The following HNF4A variants were observed in gnomAD, a reference collection of about 807,000 sequenced individuals.
The protein encoded by HNF4A is hepatocyte nuclear factor 4 alpha.
HNF4A carries 15 observed loss-of-function variants against 52.4 expected under a neutral mutation model. That is an observed-to-expected ratio of 0.29 (90% CI 0.19 to 0.44). HNF4A has a LOEUF of 0.44. Ranked by LOEUF, HNF4A falls within the 20% of genes least tolerant of loss-of-function variation. HNF4A has a pLI of 1.00. For synonymous variants in HNF4A, 280 were observed against 264.4 expected (o/e 1.06, Z -0.57); for missense variants, 479 against 647.2 (o/e 0.74, Z 2.82).
At chr20:44,392,004 C>T (rs959375333) in intron 1 of HNF4A, 1 of 152,174 alleles carries the variant, frequency 6.6e-6, no homozygotes, top group Admixed American at 6.5e-5. Context: ...AATAATAACA[C>T]ATACCTCAAT....
chr20:44,369,166 T>C (rs1402765207), intron 1 of HNF4A, among the ~76,000 whole-genome samples: 1 of 145,272 alleles, frequency 6.9e-6, no homozygotes, highest in Non-Finnish European at 1.5e-5. Context: ...GGAGAATCTC[T>C]TGAATGTGGG....
intron 1 of HNF4A, among the ~76,000 whole-genome samples, chr20:44,377,077 C>T (rs2063093399): frequency 6.6e-6 from 1 of 152,056 alleles, no homozygotes; most frequent in Admixed American, 6.5e-5. Flanking sequence ...AGATAAAATG[C>T]TGTGTATCCA....
chr20:44,356,273 G>A (rs192146523), intron 1 of HNF4A, among the ~76,000 whole-genome samples: 1 of 152,188 alleles, frequency 6.6e-6, no homozygotes, highest in African/African-American at 2.4e-5. Context: ...GCGTGGGACC[G>A]GGCAGCTCGG....
intron 5 of HNF4A, 67 bp downstream of exon 5, chr20:44,414,729 C>G (rs1568731984): frequency 4.8e-6 from 7 of 1,471,686 alleles, no homozygotes. Context: ...GCTGCTGGCC[C>G]ACCTGGGATA....
intron 1 of HNF4A, among the ~76,000 whole-genome samples, chr20:44,381,943 C>T (rs574265603): frequency 6.6e-6 from 1 of 152,234 alleles, no homozygotes; most frequent in Non-Finnish European, 1.5e-5. Context: ...AATAACGCAA[C>T]TATATGCTGG....
chr20:44,402,468 C>A, intron 1 of HNF4A: 1 of 894,154 alleles, frequency 1.1e-6, no homozygotes, highest in Non-Finnish European at 1.6e-6. Flanking sequence ...GTGTGCACGA[C>A]TGCACAGACC....
chr20:44,360,231 A>G (rs759855015), intron 1 of HNF4A, among the ~76,000 whole-genome samples: 20 of 152,270 alleles, frequency 1.3e-4, no homozygotes, highest in Non-Finnish European at 2.2e-4. Flanking sequence ...GGATAGGTGA[A>G]TGGACTGATG....
At chr20:44,380,500 C>T (rs6031572) in intron 1 of HNF4A, among the ~76,000 whole-genome samples, 31,271 of 151,782 alleles carry the variant, frequency 0.21, 3,358 homozygotes, top group African/African-American at 0.23. Flanking sequence ...CACTATGTTG[C>T]CCAGGCTGGT....
chr20:44,407,570 C>G (rs1351724798), intron 3 of HNF4A, 95 bp downstream of exon 3: 1 of 864,442 alleles, frequency 1.2e-6, no homozygotes, highest in Non-Finnish European at 1.9e-6. Flanking sequence ...CTTTATGACT[C>G]AGTGGCAGGC....
At position 44,415,037 on chromosome 20, in the gene HNF4A, G is replaced by T. The variant is rs76457013; in HGVS notation, c.648+375G>T. 8.3e-3 allele frequency among the ~76,000 whole-genome samples: 1,267 copies of T among 152,278 alleles called. 19 individuals are homozygous for T. The highest frequency in any genetic ancestry group is 0.028 in the African/African-American group (1,181 of 41,562). ...CATTGTACCTGAGGCTCTCCCAGGGGGATGTTGACAGGGACCCTAGGACAG... is the reference window on the plus strand; with the variant it reads ...CATTGTACCTGAGGCTCTCCCAGGGTGATGTTGACAGGGACCCTAGGACAG... On this transcript the variant is annotated intron_variant, in intron 5 of 9. Coordinates refer to ENST00000316099, the MANE Select transcript of HNF4A (RefSeq NM_000457.6).
Position 44,360,308 on chromosome 20 carries a change from G to A in HNF4A, c.49+4455G>A, listed in dbSNP as rs141558548. ...GGGATGCATGAATGGAATAGAGGGA[G>A]AAATAGCTGGATGGATGAGACAAAT... is the stretch of plus-strand genomic sequence containing the variant. On this transcript the variant is annotated intron_variant, in intron 1 of 9. Transcript: ENST00000316673. Among the ~76,000 whole-genome samples the A allele has an allele frequency of 1.1e-3, 168 of 152,280 alleles. 1 individual carries two copies. Among genetic ancestry groups the A allele is most frequent in the Non-Finnish European group, 1.9e-3 (132 of 68,030 alleles).
At chr20:44,405,156 C>A (rs148823396) in intron 1 of HNF4A, among the ~76,000 whole-genome samples, 7 of 143,558 alleles carry the variant, frequency 4.9e-5, no homozygotes, top group African/African-American at 1.6e-4. Context: ...TGCATTTTCC[C>A]GGGGGCTGAC....
rs565229595 is a variant in HNF4A, at chr20:44,392,023, C to T, written c.50-14035C>T. Reference sequence around the variant, plus strand: ...ATAACACATACCTCAATAATATGACCGGTGTGCAGTCAAGATTTAGGCCCA... The same window carrying T: ...ATAACACATACCTCAATAATATGACTGGTGTGCAGTCAAGATTTAGGCCCA... On this transcript the variant is annotated intron_variant, in intron 1 of 9. Coordinates refer to the HNF4A transcript ENST00000316673. 1.2e-4 allele frequency: 18 copies of T among 152,162 alleles called. No individual in the cohort carries two copies. In the East Asian group the frequency reaches 1.7e-3, roughly 15 times the overall value. 9.4% of individuals were successfully genotyped at this position (152,162 alleles called of 1,614,324 possible). A position where few individuals can be genotyped will look rare whatever the true frequency, so the allele number is the denominator to read the frequency against.
chr20:44,359,985 C>A (rs2062900308), intron 1 of HNF4A, among the ~76,000 whole-genome samples: 1 of 152,232 alleles, frequency 6.6e-6, no homozygotes. Flanking sequence ...ACTTTTCTAC[C>A]CTTATTTTCC....
intron 1 of HNF4A, among the ~76,000 whole-genome samples, chr20:44,387,461 G>A (rs2063239861): frequency 6.6e-6 from 1 of 151,276 alleles, no homozygotes; most frequent in Admixed American, 6.6e-5. Flanking sequence ...TAAAAACAAG[G>A]GCGTGCATGG....
chr20:44,368,141 C>CATAT (rs756822197), intron 1 of HNF4A, among the ~76,000 whole-genome samples: 1,747 of 12,876 alleles, frequency 0.14, 286 homozygotes, highest in Middle Eastern at 0.33. Flanking sequence ...TGTGTATATA[C>CATAT]ATATATATAT....
chr20:44,429,485 A>G (rs1237389146), intron 9 of HNF4A, 38 bp from the exon 10 acceptor site: 3 of 1,613,890 alleles, frequency 1.9e-6, no homozygotes, highest in Admixed American at 3.3e-5. Flanking sequence ...AAAGGCTGGA[A>G]TTTTGAGCAG....
At chr20:44,392,969 C>A (rs2146309814) in intron 1 of HNF4A, among the ~76,000 whole-genome samples, 1 of 152,356 alleles carries the variant, frequency 6.6e-6, no homozygotes, top group African/African-American at 2.4e-5. Flanking sequence ...GCAACCTGCA[C>A]AACTGTACAG....
At chr20:44,399,922 G>A (rs947290723), upstream of HNF4A, among the ~76,000 whole-genome samples, 52 of 152,158 alleles carry the variant, frequency 3.4e-4, 2 homozygotes, top group Non-Finnish European at 2.9e-5. Context: ...GCCAGCAGTG[G>A]AGGACAGGCT....
Sources: gnomAD v4.1 joint callset for allele counts (sites outside exome capture counted in the v4.1 genomes callset) on GRCh38, gnomAD v4.1.1 for gene constraint, MANE v1.5 for transcripts, NCBI Gene and HGNC (gene_info 2026-07-23, HGNC 2026-07-21) for gene names.